DEPDC5: variants seen among roughly 807,000 people sequenced by gnomAD.
DEPDC5 encodes GATOR1 complex protein DEPDC5.
A neutral mutation model predicts 217.3 loss-of-function variants in DEPDC5; 73 were observed. That is an observed-to-expected ratio of 0.34 (90% confidence interval 0.28 to 0.41). The LOEUF (loss-of-function observed/expected upper bound fraction) is 0.41. DEPDC5 is among the 10% of genes least tolerant of loss of function. The pLI, the probability that DEPDC5 is intolerant of heterozygous loss-of-function variation, is 1.00. For missense variants in DEPDC5, 1,675 were observed against 2,070.1 expected (o/e 0.81, Z 3.70); for synonymous variants, 733 against 756.7 (o/e 0.97, Z 0.51).
Position 31,905,608 on chromosome 22 carries a change from C to T in DEPDC5, c.4437-376C>T, listed in dbSNP as rs1174637473. 2.0e-5 allele frequency among the ~76,000 whole-genome samples: 3 copies of T among 151,778 alleles called. No individual in the cohort carries two copies. In the South Asian group the frequency reaches 6.3e-4, roughly 32 times the overall value. On this transcript the variant is annotated intron_variant, in intron 41 of 42. Transcript: ENST00000651528. ...CCAGGATGGGATGGGGGAGAACGCT[C>T]AGTGGGAAGGTCTGCTGGGATGGGT...
intron 38 of DEPDC5, among the ~76,000 whole-genome samples, chr22:31,890,824 C>G (rs1427045284): frequency 6.6e-6 from 1 of 151,996 alleles, no homozygotes; most frequent in Non-Finnish European, 1.5e-5. Flanking sequence ...CTCCCAGGTT[C>G]AAGCAATTCT....
rs138268179 is a variant in DEPDC5 at position 31,837,678 on chromosome 22, G to C, written c.2354+523G>C. On this transcript the variant is annotated intron_variant, in intron 26 of 42. Transcript: ENST00000651528. ...CTGAACACTGAATTTTCAAGCCTGTGTCCTCTTTTTATATTTGGGTAACTT... is the reference window on the plus strand; with the variant it reads ...CTGAACACTGAATTTTCAAGCCTGTCTCCTCTTTTTATATTTGGGTAACTT... Among the ~76,000 whole-genome samples, 758 of 151,836 alleles carry C rather than the reference G, an allele frequency of 5.0e-3. 19 individuals carry two copies. The East Asian group carries it at 0.052, about 10-fold the overall frequency.
chr22:31,780,132 C>G (rs770156599), intron 8 of DEPDC5, among the ~76,000 whole-genome samples: 1 of 152,086 alleles, frequency 6.6e-6, no homozygotes, highest in Non-Finnish European at 1.5e-5. Flanking sequence ...TTTCCAGGGT[C>G]AAGAGTAAAA....
At chr22:31,764,561 G>A (rs1200149465) in intron 4 of DEPDC5, among the ~76,000 whole-genome samples, 2 of 151,750 alleles carry the variant, frequency 1.3e-5, no homozygotes, top group Admixed American at 6.6e-5. Context: ...GATTACAGGC[G>A]CCCACCATCA....
At position 31,822,720 on chromosome 22, in the gene DEPDC5, C is replaced by T. The variant is rs779428450; in HGVS notation, c.2034C>T (p.Asp678=). The T allele has an allele frequency of 5.1e-5, 82 of 1,614,008 alleles. No individual in the cohort carries two copies. Among genetic ancestry groups the T allele is most frequent in the Admixed American group, 1.2e-4 (7 of 60,004 alleles). Residue 678 remains aspartate, a synonymous_variant, in exon 24 of 43, where the codon GAC becomes GAT. Coordinates refer to ENST00000651528, the MANE Select transcript of DEPDC5 (RefSeq NM_001242896.3). ...GRHSNSRQPG[D]GMSFLNFSGT... The stretch of plus-strand genomic sequence containing the variant: ...ACAGCAATTCCCGCCAGCCTGGTGA[C>T]GGCATGTCCTTCTTGAACTTCAGTG...
Position 31,760,290 on chromosome 22 carries a change from G to T in DEPDC5, c.147-366G>T, listed in dbSNP as rs1246446968. On this transcript the variant is annotated intron_variant, in intron 3 of 42. Transcript: ENST00000651528. ...TCACTGTGTTAGCCAGGATGGTCTC[G>T]ATCTCCTGACCTCATGATCCGCCCG... 5.9e-5 allele frequency among the ~76,000 whole-genome samples: 9 copies of T among 151,438 alleles called. 1 individual carries two copies. The highest frequency in any genetic ancestry group is 1.5e-5 in the Non-Finnish European group (1 of 67,900).
At chr22:31,765,617 G>A (rs1007589407) in intron 5 of DEPDC5, among the ~76,000 whole-genome samples, 1 of 152,176 alleles carries the variant, frequency 6.6e-6, no homozygotes, top group South Asian at 2.1e-4. Flanking sequence ...AGATTAGCTG[G>A]GTGTGTTGTA....
intron 34 of DEPDC5, among the ~76,000 whole-genome samples, chr22:31,871,259 C>T (rs960708941): frequency 1.3e-5 from 2 of 152,184 alleles, no homozygotes; most frequent in African/African-American, 2.4e-5. Flanking sequence ...ATTTTCTTCC[C>T]AGCTGTGTTT....
intron 38 of DEPDC5, among the ~76,000 whole-genome samples, chr22:31,883,511 C>T (rs1007324545): frequency 1.3e-5 from 2 of 152,146 alleles, no homozygotes; most frequent in Non-Finnish European, 2.9e-5. Flanking sequence ...ATGGTAATAA[C>T]ATTAATGCCA....
chr22:31,782,434 G>T (rs1379287542), intron 8 of DEPDC5, among the ~76,000 whole-genome samples: 1 of 152,196 alleles, frequency 6.6e-6, no homozygotes, highest in Non-Finnish European at 1.5e-5. Context: ...ATCGTGCCCG[G>T]CCAGGAGCTT....
At chr22:31,791,006 C>T (rs1243846562) in intron 10 of DEPDC5, among the ~76,000 whole-genome samples, 1 of 152,010 alleles carries the variant, frequency 6.6e-6, no homozygotes, top group East Asian at 1.9e-4. Context: ...CTCAGCCTCC[C>T]AAAGCACCGG....
At chr22:31,808,920 C>T (rs1446625700) in intron 18 of DEPDC5, among the ~76,000 whole-genome samples, 1 of 151,738 alleles carries the variant, frequency 6.6e-6, no homozygotes, top group Non-Finnish European at 1.5e-5. Flanking sequence ...TTTTCAGGGT[C>T]CTGAAAGATT....
chr22:31,873,209 G>T, intron 34 of DEPDC5, 46 bp from the exon 35 acceptor site: 3 of 1,613,240 alleles, frequency 1.9e-6, no homozygotes, highest in Non-Finnish European at 2.5e-6. Flanking sequence ...GCTCTTGACT[G>T]CATACGTGCC....
At chr22:31,829,401 G>A (rs932016326) in intron 24 of DEPDC5, among the ~76,000 whole-genome samples, 2 of 152,006 alleles carry the variant, frequency 1.3e-5, no homozygotes, top group African/African-American at 2.4e-5. Context: ...GCGTGGTGGC[G>A]GGCGCCTGTA....
chr22:31,775,556 G>A (rs560937545), intron 7 of DEPDC5, among the ~76,000 whole-genome samples: 1 of 152,168 alleles, frequency 6.6e-6, no homozygotes, highest in Non-Finnish European at 1.5e-5. Context: ...AGAAGATAAG[G>A]GCTTGAGGTG....
intron 31 of DEPDC5, among the ~76,000 whole-genome samples, chr22:31,856,765 A>T (rs2092319540): frequency 6.6e-6 from 1 of 151,988 alleles, no homozygotes; most frequent in South Asian, 2.1e-4. Flanking sequence ...CTGCATGTTA[A>T]TGCAGTTTTT....
chr22:31,790,969 A>C (rs1160451841), intron 10 of DEPDC5, among the ~76,000 whole-genome samples: 2 of 151,076 alleles, frequency 1.3e-5, no homozygotes, highest in Non-Finnish European at 3.0e-5. Flanking sequence ...CTGGTCTCGA[A>C]CTCCTGACCT....
chr22:31,900,392 A>G (rs2093627867), intron 40 of DEPDC5, among the ~76,000 whole-genome samples: 1 of 152,074 alleles, frequency 6.6e-6, no homozygotes, highest in Non-Finnish European at 1.5e-5. Context: ...TCCTACCTCT[A>G]GAATGGAGCT....
At chr22:31,818,552 T>C (rs2089385023) in intron 21 of DEPDC5, among the ~76,000 whole-genome samples, 1 of 152,246 alleles carries the variant, frequency 6.6e-6, no homozygotes, top group Admixed American at 6.5e-5. Flanking sequence ...GTCTGGGAAC[T>C]ATAGTCTTGT....
Sources: gnomAD v4.1 joint callset for allele counts (sites outside exome capture counted in the v4.1 genomes callset) on GRCh38, gnomAD v4.1.1 for gene constraint, MANE v1.5 for transcripts, NCBI Gene and HGNC (gene_info 2026-07-23, HGNC 2026-07-21) for gene names.